SORCS3: variants seen among roughly 807,000 people sequenced by gnomAD.
The protein encoded by SORCS3 is VPS10 domain-containing receptor SorCS3.
In SORCS3, 57 loss-of-function variants were observed where a neutral mutation model predicts 146.3. That is an observed-to-expected ratio of 0.39 (90% CI 0.31 to 0.49). SORCS3 has a LOEUF of 0.49. SORCS3 is among the 20% of genes least tolerant of loss of function. SORCS3 has a pLI of 0.92. For synonymous variants in SORCS3, 653 were observed against 618.5 expected, an observed-to-expected ratio of 1.06 and a Z score of -0.83; for missense variants, 1,341 against 1,575.5, an observed-to-expected ratio of 0.85 and a Z score of 2.52.
intron 14 of SORCS3, among the ~76,000 whole-genome samples, chr10:105,190,186 C>T (rs2056507276): frequency 6.6e-6 from 1 of 152,168 alleles, no homozygotes; most frequent in African/African-American, 2.4e-5. Flanking sequence ...ACACACATTG[C>T]TGAGAATTGT....
chr10:104,955,659 T>G (rs1294983866), intron 3 of SORCS3, among the ~76,000 whole-genome samples: 1 of 152,198 alleles, frequency 6.6e-6, no homozygotes, highest in African/African-American at 2.4e-5. Flanking sequence ...GGCCCATGAA[T>G]GCAGTGAGAG....
intron 3 of SORCS3, among the ~76,000 whole-genome samples, chr10:104,928,800 C>G (rs1424440108): frequency 1.3e-5 from 2 of 152,154 alleles, no homozygotes; most frequent in African/African-American, 4.8e-5. Flanking sequence ...ACATTGGCCT[C>G]AGTGACAAAT....
At chr10:104,758,157 A>G (rs2017077954) in intron 1 of SORCS3, among the ~76,000 whole-genome samples, 1 of 152,130 alleles carries the variant, frequency 6.6e-6, no homozygotes. Flanking sequence ...CTGTGTTTCG[A>G]GGCAAGGAAA....
intron 2 of SORCS3, among the ~76,000 whole-genome samples, chr10:104,900,111 C>T (rs2018835698): frequency 6.6e-6 from 1 of 152,124 alleles, no homozygotes; most frequent in African/African-American, 2.4e-5. Flanking sequence ...CACCATAGTT[C>T]TTGAGCTTCC....
chr10:104,958,416 A>G (rs560777288), intron 3 of SORCS3, among the ~76,000 whole-genome samples: 60 of 152,290 alleles, frequency 3.9e-4, no homozygotes, highest in African/African-American at 1.4e-3. Context: ...GTTCAGTTAT[A>G]TGGCAAGAGG....
chr10:104,993,688 G>A (rs575524157), intron 4 of SORCS3, among the ~76,000 whole-genome samples: 2 of 152,110 alleles, frequency 1.3e-5, no homozygotes, highest in Admixed American at 6.5e-5. Context: ...CCTGAAGGGA[G>A]CTTTAAGATT....
intron 1 of SORCS3, among the ~76,000 whole-genome samples, chr10:104,645,541 C>T (rs1368874792): frequency 2.0e-5 from 3 of 152,192 alleles, no homozygotes; most frequent in South Asian, 2.1e-4. Flanking sequence ...CTTCCAGCAG[C>T]GCACTCGAAG....
At chr10:104,717,806 A>G (rs911937778) in intron 1 of SORCS3, among the ~76,000 whole-genome samples, 2 of 152,108 alleles carry the variant, frequency 1.3e-5, no homozygotes, top group Non-Finnish European at 2.9e-5. Flanking sequence ...GGCTGCTATA[A>G]CAGTATACCA....
chr10:104,651,105 G>A (rs1262573852), intron 1 of SORCS3, among the ~76,000 whole-genome samples: 3 of 152,218 alleles, frequency 2.0e-5, no homozygotes, highest in Non-Finnish European at 2.9e-5. Flanking sequence ...TGAAGCTGGT[G>A]ACACAGATAA....
At chr10:105,055,457 A>G (rs1218498283) in intron 5 of SORCS3, among the ~76,000 whole-genome samples, 1 of 152,164 alleles carries the variant, frequency 6.6e-6, no homozygotes, top group Non-Finnish European at 1.5e-5. Context: ...TGGCAGTTGC[A>G]TTTAACCTTT....
chr10:104,878,264 T>A (rs1452595312), intron 2 of SORCS3, among the ~76,000 whole-genome samples: 1 of 152,096 alleles, frequency 6.6e-6, no homozygotes, highest in African/African-American at 2.4e-5. Flanking sequence ...CAAGTTGACA[T>A]GCTTATAGGG....
At chr10:104,772,500 T>C (rs1327935874) in intron 1 of SORCS3, among the ~76,000 whole-genome samples, 1 of 152,234 alleles carries the variant, frequency 6.6e-6, no homozygotes, top group Non-Finnish European at 1.5e-5. Flanking sequence ...CTTAACAATG[T>C]CTGCTGGGTA....
intron 14 of SORCS3, among the ~76,000 whole-genome samples, chr10:105,188,548 A>G (rs1282487003): frequency 1.3e-5 from 2 of 152,174 alleles, no homozygotes; most frequent in Admixed American, 6.5e-5. Context: ...CTAGAACCCA[A>G]TAAGAGGTAA....
At chr10:104,685,262 A>G (rs138827790) in intron 1 of SORCS3, among the ~76,000 whole-genome samples, 32 of 152,346 alleles carry the variant, frequency 2.1e-4, no homozygotes, top group Middle Eastern at 3.4e-3. Flanking sequence ...CTCTGCCTAC[A>G]AGGCAAAGAG....
chr10:104,973,397 G>T (rs111381996), intron 3 of SORCS3, among the ~76,000 whole-genome samples: 34 of 151,792 alleles, frequency 2.2e-4, no homozygotes, highest in Non-Finnish European at 4.6e-4. Context: ...TATTCAGAGA[G>T]TCAACTTCTT....
intron 9 of SORCS3, among the ~76,000 whole-genome samples, chr10:105,156,897 G>GA (rs978038374): frequency 1.3e-5 from 2 of 151,074 alleles, no homozygotes; most frequent in Non-Finnish European, 3.0e-5. Context: ...AGCAAACTGG[G>GA]AAAAAAACAG....
At chr10:104,955,146 G>A (rs56122716) in intron 3 of SORCS3, among the ~76,000 whole-genome samples, 5,911 of 151,480 alleles carry the variant, frequency 0.039, 154 homozygotes, top group East Asian at 0.14. Flanking sequence ...CCCAAAAGAA[G>A]CCCTGTGACC....
At chr10:104,929,667 C>G (rs2019187286) in intron 3 of SORCS3, among the ~76,000 whole-genome samples, 1 of 152,218 alleles carries the variant, frequency 6.6e-6, no homozygotes, top group African/African-American at 2.4e-5. Flanking sequence ...GGGACACAGG[C>G]TCTAAGCCTA....
chr10:104,728,427 T>C (rs756286379), intron 1 of SORCS3, among the ~76,000 whole-genome samples: 3 of 152,318 alleles, frequency 2.0e-5, no homozygotes, highest in South Asian at 2.1e-4. Context: ...GACTGAGAAT[T>C]AACTTGGTTT....
Sources: gnomAD v4.1 joint callset for allele counts (sites outside exome capture counted in the v4.1 genomes callset) on GRCh38, gnomAD v4.1.1 for gene constraint, MANE v1.5 for transcripts, NCBI Gene and HGNC (gene_info 2026-07-23, HGNC 2026-07-21) for gene names.